Variants in KCND2 observed in about 807,000 individuals in gnomAD.
The protein encoded by KCND2 is A-type voltage-gated potassium channel KCND2.
KCND2 carries 16 observed loss-of-function variants against 54.4 expected under a neutral mutation model. That is an observed-to-expected ratio of 0.29 (90% CI 0.20 to 0.45). The LOEUF is 0.45. KCND2 is among the 20% of genes least tolerant of loss of function. KCND2 has a pLI of 1.00. For missense variants in KCND2, 486 were observed against 824.2 expected, an observed-to-expected ratio of 0.59 and a Z score of 5.02; for synonymous variants, 317 against 310.7, an observed-to-expected ratio of 1.02 and a Z score of -0.21.
intron 1 of KCND2, among the ~76,000 whole-genome samples, chr7:120,648,723 T>C (rs893156734): frequency 1.3e-4 from 20 of 152,232 alleles, no homozygotes; most frequent in Non-Finnish European, 8.8e-5. Context: ...CAAAAATTCA[T>C]GTAGAGTTAG....
intron 3 of KCND2, among the ~76,000 whole-genome samples, chr7:120,741,918 T>G (rs546140687): frequency 7.2e-5 from 11 of 152,276 alleles, no homozygotes; most frequent in African/African-American, 2.6e-4. Flanking sequence ...AAAAAAATGC[T>G]TAATAATTCA....
At chr7:120,595,460 A>AAATATATATATATATATATGTGT (rs1418247126) in intron 1 of KCND2, among the ~76,000 whole-genome samples, 1 of 112,950 alleles carries the variant, frequency 8.9e-6, no homozygotes, top group Non-Finnish European at 1.9e-5. Context: ...CCAAAAAAAA[A>AAATATATATATATATATATGTGT]ATATATATAT....
In KCND2 at chr7:120,431,126, T is replaced by G. The variant is rs118039589; in HGVS notation, c.1115+155379T>G. Among the ~76,000 whole-genome samples, 1,507 of 152,302 alleles carry G rather than the reference T, an allele frequency of 9.9e-3. 13 individuals carry two copies. The highest frequency in any genetic ancestry group is 0.02 in the Middle Eastern group (6 of 294). ...CTGTGTTTATAACTTTTGATCTTCC[T>G]GAAGATGATTCATCAATGTCAAAGC... On this transcript the variant is annotated intron_variant, in intron 1 of 5. Coordinates refer to ENST00000331113, the MANE Select transcript of KCND2 (RefSeq NM_012281.3).
chr7:120,562,133 G>C (rs1792243811), intron 1 of KCND2, among the ~76,000 whole-genome samples: 1 of 152,134 alleles, frequency 6.6e-6, no homozygotes, highest in South Asian at 2.1e-4. Context: ...ATAAGCGCAA[G>C]AGGACAAGAG....
chr7:120,724,636 C>A (rs1792710602), intron 1 of KCND2, among the ~76,000 whole-genome samples: 1 of 152,060 alleles, frequency 6.6e-6, no homozygotes, highest in South Asian at 2.1e-4. Context: ...ACACTGAAGG[C>A]TTTTATGCAG....
intron 1 of KCND2, among the ~76,000 whole-genome samples, chr7:120,381,537 T>C (rs1309404874): frequency 2.0e-5 from 3 of 152,068 alleles, no homozygotes; most frequent in Non-Finnish European, 4.4e-5. Flanking sequence ...TGATATAATG[T>C]GAGGAACAAA....
chr7:120,716,422 A>G (rs1490403585), intron 1 of KCND2, among the ~76,000 whole-genome samples: 1 of 152,082 alleles, frequency 6.6e-6, no homozygotes, highest in African/African-American at 2.4e-5. Flanking sequence ...GCATATTGAC[A>G]TGCCCACTGT....
intron 1 of KCND2, among the ~76,000 whole-genome samples, chr7:120,316,185 G>T (rs933621061): frequency 1.8e-4 from 28 of 152,098 alleles, no homozygotes; most frequent in South Asian, 2.1e-4. Context: ...TTTTACATTT[G>T]CCTTAACATT....
At chr7:120,607,712 A>G (rs1268877872) in intron 1 of KCND2, among the ~76,000 whole-genome samples, 3 of 152,118 alleles carry the variant, frequency 2.0e-5, no homozygotes, top group Non-Finnish European at 4.4e-5. Context: ...TGAGATTTCA[A>G]AAAAGGATGA....
chr7:120,498,793 GTAAAA>G lies in KCND2; in HGVS notation c.1115+223062_1115+223066del, dbSNP rs748433292. 7.4e-3 allele frequency among the ~76,000 whole-genome samples: 1,122 copies of G among 151,906 alleles called. 16 individuals carry two copies. The highest frequency in any genetic ancestry group is 0.026 in the African/African-American group (1,067 of 41,422). On this transcript the variant is annotated intron_variant, in intron 1 of 5. Coordinates refer to ENST00000331113, the MANE Select transcript of KCND2 (RefSeq NM_012281.3). The stretch of plus-strand genomic sequence containing the variant: ...CCATCTCAAAAACAAATACGAAAAA[GTAAAA>G]TAAAATAAAATAAAAGGCACTGTGG...
chr7:120,283,994 C>T (rs1249486084), intron 1 of KCND2, among the ~76,000 whole-genome samples: 1 of 151,850 alleles, frequency 6.6e-6, no homozygotes, highest in Non-Finnish European at 1.5e-5. Context: ...ATAAGAATCA[C>T]CATGCTGAAG....
At chr7:120,735,945 G>T (rs895041432) in intron 2 of KCND2, among the ~76,000 whole-genome samples, 5 of 152,006 alleles carry the variant, frequency 3.3e-5, no homozygotes, top group African/African-American at 1.2e-4. Context: ...GGAAAAAAAA[G>T]CAGAACAAAC....
At chr7:120,428,509 A>C (rs1369126331) in intron 1 of KCND2, among the ~76,000 whole-genome samples, 1 of 152,218 alleles carries the variant, frequency 6.6e-6, no homozygotes, top group East Asian at 1.9e-4. Flanking sequence ...ATCATATTTA[A>C]GACACTGGAT....
intron 1 of KCND2, among the ~76,000 whole-genome samples, chr7:120,417,757 G>T (rs962390462): frequency 1.1e-4 from 17 of 152,150 alleles, no homozygotes; most frequent in Admixed American, 7.2e-4. Flanking sequence ...AAGCAGAGTG[G>T]AAACGCACCA....
intron 1 of KCND2, among the ~76,000 whole-genome samples, chr7:120,347,456 A>T (rs1800336884): frequency 6.6e-6 from 1 of 152,194 alleles, no homozygotes; most frequent in African/African-American, 2.4e-5. Context: ...CATGTTTGAC[A>T]GTAAGAGGTA....
intron 1 of KCND2, among the ~76,000 whole-genome samples, chr7:120,322,884 T>G (rs1003979095): frequency 6.6e-6 from 1 of 152,172 alleles, no homozygotes; most frequent in African/African-American, 2.4e-5. Context: ...ATTGAAAATT[T>G]TAAATTAGAT....
At chr7:120,602,858 G>A (rs1008059966) in intron 1 of KCND2, among the ~76,000 whole-genome samples, 2 of 152,194 alleles carry the variant, frequency 1.3e-5, no homozygotes, top group Non-Finnish European at 2.9e-5. Flanking sequence ...TACAGAAGCA[G>A]TTCGTGAGAG....
At chr7:120,293,348 C>A (rs1268834352) in intron 1 of KCND2, among the ~76,000 whole-genome samples, 1 of 151,918 alleles carries the variant, frequency 6.6e-6, no homozygotes, top group Non-Finnish European at 1.5e-5. Context: ...TTGCCCAGTG[C>A]AACCAGACAT....
intron 1 of KCND2, among the ~76,000 whole-genome samples, chr7:120,508,797 T>C (rs554457644): frequency 6.6e-6 from 1 of 152,086 alleles, no homozygotes; most frequent in African/African-American, 2.4e-5. Flanking sequence ...CTGCCAACAT[T>C]GTGGCATCTA....
Sources: allele counts gnomAD v4.1 joint callset (sites outside exome capture counted in the v4.1 genomes callset), GRCh38; gene constraint gnomAD v4.1.1; transcripts MANE v1.5; gene names NCBI Gene and HGNC (gene_info 2026-07-23, HGNC 2026-07-21).